The following FMNL3 variants were observed in gnomAD, a reference collection of about 807,000 sequenced individuals.
The protein encoded by FMNL3 is formin-like protein 3.
In FMNL3, 57 loss-of-function variants were observed where a neutral mutation model predicts 119.6. The ratio of observed to expected loss-of-function variants is 0.48; its 90% CI spans 0.39 to 0.59. The LOEUF is 0.59. FMNL3 is among the 20% of genes least tolerant of loss of function. The pLI, the probability that FMNL3 is intolerant of heterozygous loss-of-function variation, is 0.00. For synonymous variants in FMNL3, 491 were observed against 507.3 expected (o/e 0.97, Z 0.43); for missense variants, 1,053 against 1,323.5 (o/e 0.80, Z 3.17).
chr12:49,703,841 C>T (rs1944973441), intron 1 of FMNL3, among the ~76,000 whole-genome samples: 1 of 152,172 alleles, frequency 6.6e-6, no homozygotes, highest in African/African-American at 2.4e-5. Context: ...ACAACTTCCC[C>T]AGCGAGGATA....
intron 1 of FMNL3, among the ~76,000 whole-genome samples, chr12:49,706,357 GGGA>G (rs2139086330): frequency 6.6e-6 from 1 of 152,328 alleles, no homozygotes; most frequent in South Asian, 2.1e-4. Context: ...TGAAAAGGGG[GGGA>G]GGAGGCGGGA....
intron 1 of FMNL3, among the ~76,000 whole-genome samples, chr12:49,696,625 A>AG (rs1944758260): frequency 6.6e-6 from 1 of 152,228 alleles, no homozygotes; most frequent in Admixed American, 6.5e-5. Flanking sequence ...ACAGATAAGG[A>AG]GGGCCAGCTG....
intron 1 of FMNL3, chr12:49,688,445 C>A (rs936303724): frequency 4.4e-6 from 2 of 455,982 alleles, no homozygotes; most frequent in African/African-American, 4.0e-5. Context: ...CCCTGCTCAC[C>A]TTTCCTATAC....
rs1175056740 is a variant in FMNL3, at chr12:49,640,224, C to T, written c.*5591G>A. 3 of 152,196 alleles carry T rather than the reference C, an allele frequency of 2.0e-5. No individual in the cohort carries two copies. The highest frequency in any genetic ancestry group is 6.5e-5 in the Admixed American group (1 of 15,280). 9.4% of individuals were successfully genotyped at this position (152,196 alleles called of 1,614,324 possible). On this transcript the variant is annotated 3_prime_UTR_variant, in exon 26 of 26. Coordinates refer to ENST00000335154, the MANE Select transcript of FMNL3 (RefSeq NM_175736.5). ...CAGACAGATCCGGGTCAGGGAGATCCATGGAGGATGCTCATGAGAAATATA... is the reference window on the plus strand; with the variant it reads ...CAGACAGATCCGGGTCAGGGAGATCTATGGAGGATGCTCATGAGAAATATA...
Position 49,637,660 on chromosome 12 carries a change from T to G in FMNL3, c.*8155A>C. 11 of 1,556,168 alleles carry G rather than the reference T, an allele frequency of 7.1e-6. No individual in the cohort carries two copies. Among genetic ancestry groups the G allele is most frequent in the Non-Finnish European group, 9.7e-6 (11 of 1,133,204 alleles). On this transcript the variant is annotated 3_prime_UTR_variant, in exon 26 of 26. Coordinates refer to ENST00000335154, the MANE Select transcript of FMNL3 (RefSeq NM_175736.5). ...CCTCTCTGCACCCCCTACTACCGGC[T>G]CCTGTCCTCGGCCCAGCCCCCAGGC...
In FMNL3 at chr12:49,643,158, C is replaced by A; in HGVS notation, c.*2657G>T. On this transcript the variant is annotated 3_prime_UTR_variant, in exon 26 of 26. Transcript: ENST00000335154. ...CTGGGTCCTCCTCCTCTCTCGAATT[C>A]CCAGACGAGGGCTTCTGGAGGGCAG... The A allele has an allele frequency of 6.3e-7, 1 of 1,598,428 alleles. No individual in the cohort carries two copies. The highest frequency in any genetic ancestry group is 8.6e-7 in the Non-Finnish European group (1 of 1,168,748).
rs368569004 is a variant in FMNL3 at position 49,666,160 on chromosome 12, G to C, written c.258C>G (p.Leu86=). The C allele has an allele frequency of 1.5e-4, 249 of 1,614,094 alleles. No individual in the cohort carries two copies. The highest frequency in any genetic ancestry group is 3.5e-4 in the Admixed American group (21 of 60,006). The change falls in exon 3 of 26, where the codon CTC becomes CTG. Residue 86 remains leucine, a synonymous_variant. Transcript: ENST00000335154. ...KNPPHTYIQK[L]QSFLDPSVTR... is the part of the protein sequence containing the mutation. The stretch of plus-strand genomic sequence containing the variant: ...TTACACTGGGGTCCAAGAAGCTCTG[G>C]AGTTTCTGAATGTAAGTGTGGGGAG...
At chr12:49,701,992 C>CA (rs1157522339) in intron 1 of FMNL3, among the ~76,000 whole-genome samples, 1 of 151,958 alleles carries the variant, frequency 6.6e-6, no homozygotes, top group Non-Finnish European at 1.5e-5. Context: ...AAAAAACAAA[C>CA]AAAAAAACTG....
intron 2 of FMNL3, among the ~76,000 whole-genome samples, chr12:49,667,443 G>A (rs1272119555): frequency 6.6e-6 from 1 of 152,148 alleles, no homozygotes; most frequent in Non-Finnish European, 1.5e-5. Context: ...TTGGAGAAGG[G>A]ACTTGGACTA....
intron 2 of FMNL3, among the ~76,000 whole-genome samples, chr12:49,666,719 C>T (rs1040679377): frequency 7.9e-5 from 12 of 152,122 alleles, no homozygotes; most frequent in African/African-American, 2.9e-4. Flanking sequence ...ATCCCTTGAG[C>T]CCCGGAGTTT....
chr12:49,681,429 TC>T (rs1296338545), intron 1 of FMNL3, among the ~76,000 whole-genome samples: 2 of 152,172 alleles, frequency 1.3e-5, no homozygotes, highest in Non-Finnish European at 2.9e-5. Context: ...GTCCTCATGA[TC>T]CACCCGCCTT....
At chr12:49,679,322 C>T (rs1223785014) in intron 1 of FMNL3, among the ~76,000 whole-genome samples, 2 of 152,084 alleles carry the variant, frequency 1.3e-5, no homozygotes, top group East Asian at 1.9e-4. Flanking sequence ...GACAATGAAT[C>T]GTATTAGCCC....
intron 1 of FMNL3, among the ~76,000 whole-genome samples, chr12:49,696,290 A>C (rs930652514): frequency 6.6e-6 from 1 of 152,160 alleles, no homozygotes; most frequent in Non-Finnish European, 1.5e-5. Flanking sequence ...CCAGGACCAG[A>C]CCAAATGGCT....
At position 49,657,336 on chromosome 12, in the gene FMNL3, CAG is replaced by C; in HGVS notation, c.606-148_606-147del. The stretch of plus-strand genomic sequence containing the variant: ...ACCTCGTACCAACAGCCAAGAGGGA[CAG>C]GGTGCAGGAGGCAGGGTGGTCAGCC... On this transcript the variant is annotated intron_variant, in intron 6 of 25. Transcript: ENST00000335154. The C allele has an allele frequency of 4.7e-6, 3 of 632,342 alleles. No homozygotes were observed. The East Asian group carries it at 8.2e-5, about 17-fold the overall frequency. 39.2% of individuals were successfully genotyped at this position (632,342 alleles called of 1,614,324 possible). A position where few individuals can be genotyped will look rare whatever the true frequency, so the allele number is the denominator to read the frequency against.
chr12:49,672,480 G>A (rs747350442), intron 1 of FMNL3, among the ~76,000 whole-genome samples: 5 of 152,358 alleles, frequency 3.3e-5, no homozygotes, highest in South Asian at 2.1e-4. Context: ...GGAAGAAGCC[G>A]AAAGGCATGG....
chr12:49,661,830 G>T, intron 5 of FMNL3, 136 bp downstream of exon 5: 1 of 825,778 alleles, frequency 1.2e-6, no homozygotes, highest in Non-Finnish European at 2.0e-6. Context: ...CCACACCACT[G>T]CTTGGGCTAC....
intron 1 of FMNL3, among the ~76,000 whole-genome samples, chr12:49,694,908 G>A (rs1416796930): frequency 2.0e-5 from 3 of 150,214 alleles, no homozygotes; most frequent in African/African-American, 4.9e-5. Context: ...GCGAAACTCC[G>A]TCTCAAAAAA....
chr12:49,707,267 C>A lies in FMNL3; in HGVS notation c.-87G>T. Reference sequence around the variant, plus strand: ...CGCGGCTCCGACCAGGCTCCTCCCTCAGCGCCGGCTCCCCGAGTCCCGACT... The same window carrying A: ...CGCGGCTCCGACCAGGCTCCTCCCTAAGCGCCGGCTCCCCGAGTCCCGACT... On this transcript the variant is annotated 5_prime_UTR_variant, in exon 1 of 26. Transcript: ENST00000335154. 1 of 1,265,742 alleles carries A rather than the reference C, an allele frequency of 7.9e-7. No individual in the cohort carries two copies. Among genetic ancestry groups the A allele is most frequent in the Non-Finnish European group, 1.0e-6 (1 of 968,730 alleles). 78.4% of individuals were successfully genotyped at this position (1,265,742 alleles called of 1,614,324 possible). A position where few individuals can be genotyped will look rare whatever the true frequency, so the allele number is the denominator to read the frequency against.
At chr12:49,687,555 C>G (rs1392279711) in intron 1 of FMNL3, among the ~76,000 whole-genome samples, 3 of 152,168 alleles carry the variant, frequency 2.0e-5, no homozygotes, top group Non-Finnish European at 4.4e-5. Context: ...ATCTTACCTT[C>G]TTTTTCTTCA....
Sources: gnomAD v4.1 joint callset for allele counts (sites outside exome capture counted in the v4.1 genomes callset) on GRCh38, gnomAD v4.1.1 for gene constraint, MANE v1.5 for transcripts, NCBI Gene and HGNC (gene_info 2026-07-23, HGNC 2026-07-21) for gene names.